The following KLHL13 variants were observed in gnomAD, a reference collection of about 807,000 sequenced individuals.
The protein encoded by KLHL13 is kelch like family member 13.
Under a neutral mutation model 37.1 loss-of-function variants are expected in KLHL13, and 10 were observed. The ratio of observed to expected loss-of-function variants is 0.27; its 90% CI spans 0.17 to 0.46. KLHL13 has a LOEUF of 0.46. Ranked by LOEUF, KLHL13 falls within the 20% of genes least tolerant of loss-of-function variation. The pLI is 1.00. For synonymous variants in KLHL13, 163 were observed against 181.2 expected, an observed-to-expected ratio of 0.90 and a Z score of 0.81; for missense variants, 360 against 509.3, an observed-to-expected ratio of 0.71 and a Z score of 2.82.
chrX:118,021,420 T>C (rs938964048), intron 1 of KLHL13, among the ~76,000 whole-genome samples: 2 of 107,387 alleles, frequency 1.9e-5, no homozygotes, highest in Non-Finnish European at 3.8e-5. Context: ...CCCTGGTGTG[T>C]GATGTTCCCC....
chrX:117,912,569 A>G (rs1012522388), intron 4 of KLHL13, among the ~76,000 whole-genome samples: 1 of 112,217 alleles, frequency 8.9e-6, no homozygotes, highest in Non-Finnish European at 1.9e-5. Flanking sequence ...TACCTTCTGT[A>G]TATCAATACG....
rs1422648959 is a variant in KLHL13, at chrX:118,019,868, C to T, written c.-55-74293G>A. On this transcript the variant is annotated intron_variant, in intron 1 of 6. Coordinates refer to the KLHL13 transcript ENST00000371882. Reference sequence around the variant, plus strand: ...TTGATCTATATCTCTGTTTTGGTACCAGTACCATGCTGTTTTGGTTACTGT... The same window carrying T: ...TTGATCTATATCTCTGTTTTGGTACTAGTACCATGCTGTTTTGGTTACTGT... Among the ~76,000 whole-genome samples the T allele has an allele frequency of 1.6e-3, 161 of 103,554 alleles. 2 individuals are homozygous for T. Among genetic ancestry groups the T allele is most frequent in the South Asian group, 0.012 (28 of 2,299 alleles). 89.9% of individuals were successfully genotyped at this position (103,554 alleles called of 115,157 possible).
intron 1 of KLHL13, among the ~76,000 whole-genome samples, chrX:117,998,262 C>T (rs763330151): frequency 8.9e-6 from 1 of 112,083 alleles, no homozygotes; most frequent in South Asian, 3.7e-4. Flanking sequence ...ACAGATACAA[C>T]GATATCATCT....
intron 1 of KLHL13, among the ~76,000 whole-genome samples, chrX:118,088,939 A>C (rs1417322118): frequency 3.6e-5 from 4 of 111,849 alleles, no homozygotes; most frequent in African/African-American, 1.3e-4. Context: ...AATATATTCA[A>C]GGTATAAAGC....
At chrX:118,088,243 A>G (rs776648279) in intron 1 of KLHL13, among the ~76,000 whole-genome samples, 1 of 112,260 alleles carries the variant, frequency 8.9e-6, no homozygotes. Flanking sequence ...AGAATGTAAA[A>G]CAATACCCTG....
intron 5 of KLHL13, among the ~76,000 whole-genome samples, chrX:117,904,837 C>G (rs1350662444): frequency 9.0e-6 from 1 of 111,015 alleles, no homozygotes; most frequent in Non-Finnish European, 1.9e-5. Context: ...GTTTGCTGGC[C>G]CCTAATCTAG....
chrX:117,966,273 AC>A (rs1301196563), intron 1 of KLHL13, among the ~76,000 whole-genome samples: 46 of 111,914 alleles, frequency 4.1e-4, no homozygotes, highest in Non-Finnish European at 1.1e-4. Flanking sequence ...ATAACAGAAA[AC>A]AGACAGCCAA....
At chrX:118,019,042 T>C (rs946690828) in intron 1 of KLHL13, among the ~76,000 whole-genome samples, 2 of 110,951 alleles carry the variant, frequency 1.8e-5, no homozygotes, top group African/African-American at 6.5e-5. Context: ...CCTTCCAGAG[T>C]TGCCTTTTTG....
At chrX:118,023,302 G>A (rs2054239729) in intron 1 of KLHL13, among the ~76,000 whole-genome samples, 1 of 110,589 alleles carries the variant, frequency 9.0e-6, no homozygotes, top group African/African-American at 3.3e-5. Context: ...ATGCTGAATT[G>A]TTGTTTCAGA....
chrX:118,015,683 T>G (rs965218601), intron 1 of KLHL13, among the ~76,000 whole-genome samples: 2 of 111,472 alleles, frequency 1.8e-5, no homozygotes, highest in African/African-American at 6.5e-5. Flanking sequence ...CAAGCCCATA[T>G]CCTTTGTATG....
At chrX:117,978,314 G>A (rs1208549684), upstream of KLHL13, among the ~76,000 whole-genome samples, 2 of 112,124 alleles carry the variant, frequency 1.8e-5, no homozygotes, top group African/African-American at 3.2e-5. Flanking sequence ...CATAAGCAAT[G>A]TGAAGGGCAG....
At chrX:117,900,998 T>C (rs1210861520) in intron 6 of KLHL13, among the ~76,000 whole-genome samples, 2 of 111,863 alleles carry the variant, frequency 1.8e-5, no homozygotes, top group African/African-American at 6.5e-5. Flanking sequence ...GTGAACAAAC[T>C]ATAGCCATTT....
At chrX:117,905,325 T>C (rs928083188) in intron 5 of KLHL13, among the ~76,000 whole-genome samples, 1 of 112,134 alleles carries the variant, frequency 8.9e-6, no homozygotes, top group African/African-American at 3.2e-5. Flanking sequence ...CAATAGAAGA[T>C]TGATTTCTTA....
chrX:118,105,427 T>C (rs1159857639), intron 1 of KLHL13, among the ~76,000 whole-genome samples: 1 of 112,782 alleles, frequency 8.9e-6, no homozygotes, highest in Non-Finnish European at 1.9e-5. Flanking sequence ...AGCATCTATA[T>C]GCCTCAGTTT....
At chrX:117,926,856 GA>G (rs1397426307) in intron 2 of KLHL13, among the ~76,000 whole-genome samples, 1 of 81,420 alleles carries the variant, frequency 1.2e-5, no homozygotes, top group Non-Finnish European at 2.3e-5. Context: ...TCAACAGACA[GA>G]AAAAGCTCCA....
At chrX:117,952,166 A>T (rs756413842) in intron 1 of KLHL13, among the ~76,000 whole-genome samples, 1 of 112,085 alleles carries the variant, frequency 8.9e-6, no homozygotes, top group South Asian at 3.7e-4. Context: ...CTACAAGACT[A>T]CAGTAATCAA....
intron 1 of KLHL13, among the ~76,000 whole-genome samples, chrX:118,031,369 T>C (rs1313957766): frequency 9.8e-6 from 1 of 101,795 alleles, no homozygotes; most frequent in Non-Finnish European, 2.0e-5. Flanking sequence ...AGTAAACACA[T>C]GTGATCAAGT....
chrX:117,970,919 T>C (rs2053513020), intron 1 of KLHL13, among the ~76,000 whole-genome samples: 2 of 111,799 alleles, frequency 1.8e-5, no homozygotes, highest in Admixed American at 1.9e-4. Context: ...CATAAGCTCT[T>C]TGAATATATT....
intron 1 of KLHL13, among the ~76,000 whole-genome samples, 189 bp downstream of exon 1, chrX:118,116,319 G>A (rs1449642028): frequency 1.8e-5 from 2 of 112,470 alleles, no homozygotes; most frequent in Non-Finnish European, 3.8e-5. Context: ...GAAGGTGTAA[G>A]GATGAGGGCG....
Sources: allele counts gnomAD v4.1 joint callset (sites outside exome capture counted in the v4.1 genomes callset), GRCh38; gene constraint gnomAD v4.1.1; transcripts MANE v1.5; gene names NCBI Gene and HGNC (gene_info 2026-07-23, HGNC 2026-07-21).